The following SLBP variants were observed in gnomAD, a reference collection of about 807,000 sequenced individuals.
The protein encoded by SLBP is histone RNA hairpin-binding protein.
Under a neutral mutation model 39.2 loss-of-function variants are expected in SLBP, and 29 were observed. That is an observed-to-expected ratio of 0.74 (90% CI 0.55 to 1.01). The LOEUF is 1.01. Among genes scored for constraint, SLBP ranks in the 50% least tolerant of loss-of-function variants. The pLI, the probability that SLBP is intolerant of heterozygous loss-of-function variation, is 0.00. For missense variants in SLBP, 390 were observed against 350.2 expected, an observed-to-expected ratio of 1.11 and a Z score of -0.91; for synonymous variants, 129 against 118.7, an observed-to-expected ratio of 1.09 and a Z score of -0.57.
chr4:1,708,647 C>A (rs940181139), intron 2 of SLBP, among the ~76,000 whole-genome samples: 1 of 152,186 alleles, frequency 6.6e-6, no homozygotes, highest in South Asian at 2.1e-4. Flanking sequence ...ATACTACATG[C>A]CATATTTTGG....
chr4:1,711,902 G>GCT lies in SLBP; in HGVS notation c.146_147dup (p.His50SerfsTer36). On this transcript the variant is annotated frameshift_variant, in exon 2 of 8. Coordinates refer to ENST00000489418, the MANE Select transcript of SLBP (RefSeq NM_006527.4). LOFTEE classifies it high-confidence loss of function. ...TCGGGTCTGCGCTCGGCGCCGCGGT[G>GCT]CTCTGCCTCCTCGGCGTCTTCGGGC... 1 of 1,367,912 alleles carries GCT rather than the reference G, an allele frequency of 7.3e-7. No homozygotes were observed. Among genetic ancestry groups the GCT allele is most frequent in the Non-Finnish European group, 9.4e-7 (1 of 1,059,692 alleles). 84.7% of individuals were successfully genotyped at this position (1,367,912 alleles called of 1,614,324 possible). A position where few individuals can be genotyped will look rare whatever the true frequency, so the allele number is the denominator to read the frequency against.
intron 3 of SLBP, among the ~76,000 whole-genome samples, chr4:1,701,151 T>C (rs975999152): frequency 5.4e-5 from 8 of 147,652 alleles, no homozygotes; most frequent in African/African-American, 1.7e-4. Flanking sequence ...TTTTTCTTTT[T>C]TTTTTTTTTT....
rs768181643 is a variant in SLBP, at chr4:1,693,687, C to T, written c.723G>A (p.Lys241=). The T allele has an allele frequency of 2.5e-6, 4 of 1,613,332 alleles. No individual in the cohort carries two copies. Among genetic ancestry groups the T allele is most frequent in the Non-Finnish European group, 3.4e-6 (4 of 1,179,408 alleles). Residue 241 remains lysine, a synonymous_variant, in exon 8 of 8, where the codon AAG becomes AAA. Transcript: ENST00000489418. The stretch of plus-strand genomic sequence containing the variant: ...CCACTTGACTGTCCATGTGTCTCAC[C>T]TTGGTGGGTGTGCCAGAGTACACAT... The part of the protein sequence containing the change: ...DFDVYSGTPT[K]VRHMDSQVED...
intron 2 of SLBP, among the ~76,000 whole-genome samples, chr4:1,711,102 A>G (rs1024635497): frequency 6.7e-6 from 1 of 148,918 alleles, no homozygotes; most frequent in African/African-American, 2.5e-5. Flanking sequence ...TTCTTGCATG[A>G]TTCCGCGCTC....
In SLBP at chr4:1,693,750, T is replaced by C. The variant is rs779637621; in HGVS notation, c.697-37A>G. 5.7e-6 allele frequency: 8 copies of C among 1,404,642 alleles called. No individual in the cohort carries two copies. The African/African-American group carries it at 7.1e-5, about 12-fold the overall frequency. The allele number at this position is 1,404,642 out of a possible 1,614,324, so 87.0% of individuals were successfully genotyped here. ...AAGCATGGCTCGGTTGACATTCATCTCACCCTGAAAACAGGGGCCCCTTCC... is the reference window on the plus strand; with the variant it reads ...AAGCATGGCTCGGTTGACATTCATCCCACCCTGAAAACAGGGGCCCCTTCC... On this transcript the variant is annotated intron_variant, in intron 7 of 7. Transcript: ENST00000489418.
intron 5 of SLBP, among the ~76,000 whole-genome samples, chr4:1,697,158 TAAA>T (rs59715153): frequency 0.059 from 1,919 of 32,454 alleles, 63 homozygotes; most frequent in African/African-American, 0.2. Context: ...GACTCCACCT[TAAA>T]AAAAAAAAAA....
Position 1,711,967 on chromosome 4 carries a change from C to A in SLBP, c.83G>T (p.Ser28Ile). ...GTCGGCTCTGCGCTTCCGTCCCAGG[C>A]TCCATCGCGCGGGGGACGGCGGGCT... ...DASPPSPARWSLGRKRRADGR... is the reference protein window; with the variant it reads ...DASPPSPARWILGRKRRADGR... Residue 28 changes from serine (S) to isoleucine (I), a missense_variant, in exon 2 of 8, where the codon AGC (serine) becomes ATC (isoleucine). Ser to Ile is a moderately radical substitution (Grantham distance 142). Coordinates refer to ENST00000489418, the MANE Select transcript of SLBP (RefSeq NM_006527.4). The A allele has an allele frequency of 7.6e-7, 1 of 1,310,600 alleles. No individual in the cohort carries two copies. The highest frequency in any genetic ancestry group is 9.7e-7 in the Non-Finnish European group (1 of 1,030,978). The allele number at this position is 1,310,600 out of a possible 1,614,324, so 81.2% of individuals were successfully genotyped here. A position where few individuals can be genotyped will look rare whatever the true frequency, so the allele number is the denominator to read the frequency against.
chr4:1,697,500 G>C (rs1171555272), intron 5 of SLBP, among the ~76,000 whole-genome samples: 1 of 151,622 alleles, frequency 6.6e-6, no homozygotes, highest in Admixed American at 6.6e-5. Flanking sequence ...AATCAACTGA[G>C]ATCCTACAAA....
intron 3 of SLBP, among the ~76,000 whole-genome samples, chr4:1,702,528 T>C (rs936801876): frequency 6.6e-6 from 1 of 152,246 alleles, no homozygotes; most frequent in East Asian, 1.9e-4. Context: ...CAGCCACTTG[T>C]TGGCTAAAAT....
chr4:1,693,273 G>A lies in SLBP; in HGVS notation c.*324C>T, dbSNP rs952768735. ...ACAGTCCACCTGACAAGCAATAACTGAAGATGCCTGTGGAAAACCAGTTAT... is the reference window on the plus strand; with the variant it reads ...ACAGTCCACCTGACAAGCAATAACTAAAGATGCCTGTGGAAAACCAGTTAT... On this transcript the variant is annotated 3_prime_UTR_variant, in exon 8 of 8. Coordinates refer to ENST00000489418, the MANE Select transcript of SLBP (RefSeq NM_006527.4). The A allele has an allele frequency of 1.3e-5, 3 of 226,894 alleles. No individual in the cohort carries two copies. Among genetic ancestry groups the A allele is most frequent in the Non-Finnish European group, 2.6e-5 (3 of 113,396 alleles). The allele number at this position is 226,894 out of a possible 1,614,324, so 14.1% of individuals were successfully genotyped here. A position where few individuals can be genotyped will look rare whatever the true frequency, so the allele number is the denominator to read the frequency against.
At chr4:1,693,888 T>C (rs529520603) in intron 7 of SLBP, among the ~76,000 whole-genome samples, 175 bp from the exon 8 acceptor site, 1 of 152,308 alleles carries the variant, frequency 6.6e-6, no homozygotes, top group East Asian at 1.9e-4. Context: ...AAACCACATG[T>C]ACCATTTACA....
chr4:1,694,943 G>A (rs976617282), intron 6 of SLBP, 103 bp from the exon 7 acceptor site: 14 of 801,818 alleles, frequency 1.7e-5, no homozygotes, highest in Middle Eastern at 2.6e-4. Context: ...CCACAACACT[G>A]ACAGTGTGCC....
At chr4:1,695,635 G>C (rs1716077803) in intron 6 of SLBP, among the ~76,000 whole-genome samples, 1 of 152,086 alleles carries the variant, frequency 6.6e-6, no homozygotes, top group East Asian at 1.9e-4. Flanking sequence ...ACAAAAAATA[G>C]CTGGGCGTGG....
At chr4:1,698,272 G>C (rs1420893193) in intron 5 of SLBP, among the ~76,000 whole-genome samples, 4 of 151,576 alleles carry the variant, frequency 2.6e-5, no homozygotes, top group Non-Finnish European at 5.9e-5. Context: ...TTGAACCCGA[G>C]AGGTGGAGTT....
rs1268234938 is a variant in SLBP, at chr4:1,692,776, T to G, written c.*821A>C. ...CAGCTCTCACGGCAGCTGGCCCACC[T>G]GGCAACAGCCCCAGTCAGTGAAAGA... On this transcript the variant is annotated 3_prime_UTR_variant, in exon 8 of 8. Transcript: ENST00000489418. 1 of 152,672 alleles carries G rather than the reference T, an allele frequency of 6.5e-6. No individual in the cohort carries two copies. The highest frequency in any genetic ancestry group is 1.9e-4 in the East Asian group (1 of 5,204). The allele number at this position is 152,672 out of a possible 1,614,324, so 9.5% of individuals were successfully genotyped here. A position where few individuals can be genotyped will look rare whatever the true frequency, so the allele number is the denominator to read the frequency against.
chr4:1,703,701 C>G lies in SLBP; in HGVS notation c.177-1G>C. ...TTTAGGGCCTTCAGGAGTGGTAAAG[C>G]TGCAATAAAAGGAAAATGCTACTGA... On this transcript the variant is annotated splice_acceptor_variant, in intron 2 of 7. Coordinates refer to ENST00000489418, the MANE Select transcript of SLBP (RefSeq NM_006527.4). LOFTEE classifies it high-confidence loss of function. The G allele has an allele frequency of 6.2e-7, 1 of 1,601,768 alleles. No homozygotes were observed. Among genetic ancestry groups the G allele is most frequent in the Non-Finnish European group, 8.6e-7 (1 of 1,168,776 alleles).
At chr4:1,703,507 G>C in intron 3 of SLBP, 89 bp downstream of exon 3, 1 of 880,676 alleles carries the variant, frequency 1.1e-6, no homozygotes, top group Non-Finnish European at 1.9e-6. Flanking sequence ...CCAGACCTTT[G>C]AAAACCACTG....
intron 2 of SLBP, among the ~76,000 whole-genome samples, chr4:1,708,284 C>T (rs562099634): frequency 6.6e-6 from 1 of 152,202 alleles, no homozygotes; most frequent in East Asian, 1.9e-4. Context: ...TTAATTACAA[C>T]AAATAAGCAA....
chr4:1,708,126 G>A (rs1716593789), intron 2 of SLBP, among the ~76,000 whole-genome samples: 2 of 150,904 alleles, frequency 1.3e-5, no homozygotes, highest in Admixed American at 1.3e-4. Context: ...GGTGGCGCAT[G>A]CCTGTAGTCC....
Sources: allele counts gnomAD v4.1 joint callset (sites outside exome capture counted in the v4.1 genomes callset), GRCh38; gene constraint gnomAD v4.1.1; transcripts MANE v1.5; gene names NCBI Gene and HGNC (gene_info 2026-07-23, HGNC 2026-07-21).